The following RASGRP3 variants were observed in gnomAD, a reference collection of about 807,000 sequenced individuals.
The protein encoded by RASGRP3 is ras guanyl-releasing protein 3.
A neutral mutation model predicts 82.7 loss-of-function variants in RASGRP3; 54 were observed. The observed-to-expected ratio is 0.65, with a 90% confidence interval of 0.52 to 0.82. The LOEUF is 0.82. Among genes scored for constraint, RASGRP3 ranks in the 40% least tolerant of loss-of-function variants. The probability of loss-of-function intolerance (pLI) is 0.00; values close to 1 mark genes in which losing one functional copy is unlikely to be tolerated. For missense variants in RASGRP3, 861 were observed against 828.9 expected, an observed-to-expected ratio of 1.04 and a Z score of -0.48; for synonymous variants, 309 against 300.5, an observed-to-expected ratio of 1.03 and a Z score of -0.29.
chr2:33,501,156 T>C (rs1336016913), intron 1 of RASGRP3, among the ~76,000 whole-genome samples: 5 of 152,364 alleles, frequency 3.3e-5, no homozygotes, highest in African/African-American at 1.2e-4. Flanking sequence ...ATATTTTCTA[T>C]AAATGGAGTT....
At chr2:33,546,174 A>G (rs1196436032) in intron 13 of RASGRP3, among the ~76,000 whole-genome samples, 1 of 151,702 alleles carries the variant, frequency 6.6e-6, no homozygotes. Flanking sequence ...CTGTAATCCC[A>G]GAACTTTGGG....
At chr2:33,560,471 AC>A (rs1384080252) in intron 17 of RASGRP3, among the ~76,000 whole-genome samples, 1 of 152,214 alleles carries the variant, frequency 6.6e-6, no homozygotes, top group Non-Finnish European at 1.5e-5. Context: ...GGTGTTCATG[AC>A]AGTACTTTAT....
At chr2:33,482,694 G>C (rs771169413) in intron 1 of RASGRP3, 1 of 152,154 alleles carries the variant, frequency 6.6e-6, no homozygotes, top group Non-Finnish European at 1.5e-5. Flanking sequence ...TCCCAATATG[G>C]CAATTCAGTT....
chr2:33,485,436 A>G (rs1668288105), intron 1 of RASGRP3, among the ~76,000 whole-genome samples: 1 of 152,180 alleles, frequency 6.6e-6, no homozygotes, highest in Non-Finnish European at 1.5e-5. Context: ...GTGTTCTCTC[A>G]ACTGTGCTGC....
chr2:33,563,971 T>A lies in RASGRP3; in HGVS notation c.*1234T>A, dbSNP rs1676978082. ...CCTGTGAATGACAGGAATGATCTATTACCAGGTGACTAGTCGGAAACTACA... is the reference window on the plus strand; with the variant it reads ...CCTGTGAATGACAGGAATGATCTATAACCAGGTGACTAGTCGGAAACTACA... On this transcript the variant is annotated 3_prime_UTR_variant, in exon 18 of 18. Transcript: ENST00000403687. 6.6e-6 allele frequency: 1 copy of A among 152,202 alleles called. No individual in the cohort carries two copies. The highest frequency in any genetic ancestry group is 2.4e-5 in the African/African-American group (1 of 41,456). The allele number at this position is 152,202 out of a possible 1,614,324, so 9.4% of individuals were successfully genotyped here.
chr2:33,489,216 G>A (rs938916845), intron 1 of RASGRP3, among the ~76,000 whole-genome samples: 1 of 152,210 alleles, frequency 6.6e-6, no homozygotes, highest in Non-Finnish European at 1.5e-5. Flanking sequence ...TACCAAGGTT[G>A]AGAAATCCTG....
chr2:33,515,049 G>C lies in RASGRP3; in HGVS notation c.-88G>C. 8.3e-7 allele frequency: 1 copy of C among 1,201,374 alleles called. No homozygotes were observed. Among genetic ancestry groups the C allele is most frequent in the East Asian group, 2.3e-5 (1 of 42,938 alleles). The allele number at this position is 1,201,374 out of a possible 1,614,324, so 74.4% of individuals were successfully genotyped here. A position where few individuals can be genotyped will look rare whatever the true frequency, so the allele number is the denominator to read the frequency against. ...ACAACTAAGGACAGGTCACCACTAGGCACTAACATCGCTGACTTGCATGAT... is the reference window on the plus strand; with the variant it reads ...ACAACTAAGGACAGGTCACCACTAGCCACTAACATCGCTGACTTGCATGAT... On this transcript the variant is annotated 5_prime_UTR_variant, in exon 3 of 18. Transcript: ENST00000403687.
chr2:33,527,888 C>T (rs1421659928), intron 10 of RASGRP3, among the ~76,000 whole-genome samples: 2 of 152,206 alleles, frequency 1.3e-5, no homozygotes, highest in African/African-American at 4.8e-5. Flanking sequence ...GTCTGGCATT[C>T]GAGGTTCTTG....
chr2:33,544,953 G>T (rs960680671), intron 13 of RASGRP3, among the ~76,000 whole-genome samples: 81 of 151,942 alleles, frequency 5.3e-4, no homozygotes, highest in Non-Finnish European at 1.2e-4. Flanking sequence ...CCAGAACAAA[G>T]AATACTTTTA....
At chr2:33,441,346 G>A (rs1300212795) in intron 1 of RASGRP3, among the ~76,000 whole-genome samples, 3 of 151,052 alleles carry the variant, frequency 2.0e-5, no homozygotes, top group East Asian at 1.9e-4. Flanking sequence ...AAATTAGATC[G>A]TGCAATTTTT....
chr2:33,537,930 A>C (rs1303352618), intron 11 of RASGRP3, among the ~76,000 whole-genome samples: 1 of 152,234 alleles, frequency 6.6e-6, no homozygotes, highest in Non-Finnish European at 1.5e-5. Context: ...AAAGAGGGCC[A>C]GAGAGACCTA....
intron 13 of RASGRP3, among the ~76,000 whole-genome samples, chr2:33,546,672 T>G (rs2151085223): frequency 6.6e-6 from 1 of 152,240 alleles, no homozygotes; most frequent in Admixed American, 6.5e-5. Context: ...GCAGCACTAT[T>G]CAAATATCAA....
intron 2 of RASGRP3, among the ~76,000 whole-genome samples, chr2:33,456,077 CA>C (rs1324318847): frequency 6.6e-6 from 1 of 152,176 alleles, no homozygotes; most frequent in African/African-American, 2.4e-5. Flanking sequence ...CTCTTCCCAC[CA>C]AAGTTACTTT....
intron 1 of RASGRP3, among the ~76,000 whole-genome samples, chr2:33,491,234 T>G (rs1290232431): frequency 6.6e-6 from 1 of 152,104 alleles, no homozygotes; most frequent in Non-Finnish European, 1.5e-5. Flanking sequence ...GAGACTCACT[T>G]GAACCTGGGA....
chr2:33,557,992 G>A (rs1333412919), intron 15 of RASGRP3, among the ~76,000 whole-genome samples: 2 of 152,064 alleles, frequency 1.3e-5, no homozygotes, highest in Non-Finnish European at 2.9e-5. Flanking sequence ...GAACCAAGCT[G>A]AGCAAATCTA....
chr2:33,515,213 G>A lies in RASGRP3; in HGVS notation c.70+7G>A, dbSNP rs376168602. On this transcript the variant is annotated splice_region_variant and intron_variant, in intron 3 of 17. Coordinates refer to ENST00000403687, the MANE Select transcript of RASGRP3 (RefSeq NM_001139488.2). ...ACTTGCATTGAGATGTTTGGTACGA[G>A]CCTTTTCTCCTTTCATCTCTTTTGG... 1.2e-6 allele frequency: 2 copies of A among 1,613,750 alleles called. No individual in the cohort carries two copies. Among genetic ancestry groups the A allele is most frequent in the Non-Finnish European group, 1.7e-6 (2 of 1,179,662 alleles).
rs1364127331 is a variant in RASGRP3, at chr2:33,558,951, C to CT, written c.1986dup (p.Gly663TrpfsTer12). On this transcript the variant is annotated frameshift_variant, in exon 17 of 18. Transcript: ENST00000403687. LOFTEE classifies it high-confidence loss of function. The stretch of plus-strand genomic sequence containing the variant: ...GAAAATGAGAAGCCCAGGGTGCATG[C>CT]TGGTGTGGATGTTGTAGACCGGGGC... The CT allele has an allele frequency of 1.3e-5, 21 of 1,613,882 alleles. No individual in the cohort carries two copies. The highest frequency in any genetic ancestry group is 1.7e-5 in the Non-Finnish European group (20 of 1,179,910).
At chr2:33,506,896 A>G (rs1187107803) in intron 1 of RASGRP3, among the ~76,000 whole-genome samples, 4 of 152,214 alleles carry the variant, frequency 2.6e-5, no homozygotes, top group African/African-American at 4.8e-5. Flanking sequence ...TCTTATATTC[A>G]TACTATCCCA....
intron 2 of RASGRP3, among the ~76,000 whole-genome samples, chr2:33,464,012 A>G (rs553000096): frequency 1.1e-3 from 172 of 151,780 alleles, no homozygotes; most frequent in Non-Finnish European, 2.0e-3. Context: ...GCAACCCTGC[A>G]TCAAGCAAGT....
Sources: allele counts gnomAD v4.1 joint callset (sites outside exome capture counted in the v4.1 genomes callset), GRCh38; gene constraint gnomAD v4.1.1; transcripts MANE v1.5; gene names NCBI Gene and HGNC (gene_info 2026-07-23, HGNC 2026-07-21).